CCSER2: variants seen among roughly 807,000 people sequenced by gnomAD.
CCSER2 encodes serine-rich coiled-coil domain-containing protein 2.
In CCSER2, 46 loss-of-function variants were observed where a neutral mutation model predicts 92.3. The observed-to-expected ratio is 0.50, with a 90% CI of 0.39 to 0.64. CCSER2 has a LOEUF of 0.64. Among genes scored for constraint, CCSER2 ranks in the 30% least tolerant of loss-of-function variants. CCSER2 has a pLI of 0.00. For missense variants in CCSER2, 1,244 were observed against 1,238.9 expected (o/e 1.00, Z -0.06); for synonymous variants, 433 against 431.4 (o/e 1.00, Z -0.04).
chr10:84,370,521 T>G (rs1194958980), intron 1 of CCSER2, among the ~76,000 whole-genome samples: 2 of 152,040 alleles, frequency 1.3e-5, no homozygotes, highest in Non-Finnish European at 2.9e-5. Context: ...TTTGGAGGAG[T>G]CCGTAGGATT....
intron 7 of CCSER2, among the ~76,000 whole-genome samples, chr10:84,467,923 A>G (rs749988071): frequency 5.9e-5 from 9 of 152,068 alleles, no homozygotes; most frequent in Non-Finnish European, 1.3e-4. Flanking sequence ...CTAGATTATT[A>G]TAATATTTTC....
At chr10:84,374,714 G>T (rs550955474) in intron 3 of CCSER2, among the ~76,000 whole-genome samples, 10 of 152,272 alleles carry the variant, frequency 6.6e-5, no homozygotes, top group African/African-American at 2.2e-4. Flanking sequence ...CAAGTAATGT[G>T]GATAATATGC....
Position 84,513,650 on chromosome 10 carries a change from T to C in CCSER2, c.2527T>C (p.Ser843Pro), listed in dbSNP as rs760418273. 41 of 1,581,412 alleles carry C rather than the reference T, an allele frequency of 2.6e-5. No homozygotes were observed. Among genetic ancestry groups the C allele is most frequent in the Non-Finnish European group, 3.3e-5 (39 of 1,165,624 alleles). Residue 843 changes from serine (S) to proline (P), a missense_variant, in exon 10 of 10, where the codon TCA becomes CCA. Coordinates refer to ENST00000372088, the MANE Select transcript of CCSER2 (RefSeq NM_001284240.2). ...TGGTTTGGAAGAGCAGCCTTTTTCA[T>C]CAGGCCCACAATTAACAATGGATGT... ...NYGLEEQPFS[S>P]GPQLTMDVAK...
intron 1 of CCSER2, among the ~76,000 whole-genome samples, chr10:84,352,884 A>G (rs1423953179): frequency 6.6e-6 from 1 of 151,634 alleles, no homozygotes; most frequent in African/African-American, 2.4e-5. Context: ...TCCGCCTTTT[A>G]GGTTCAATTG....
At chr10:84,489,753 T>A (rs1269405705) in intron 9 of CCSER2, among the ~76,000 whole-genome samples, 1 of 152,182 alleles carries the variant, frequency 6.6e-6, no homozygotes, top group Non-Finnish European at 1.5e-5. Flanking sequence ...AAGGTTAATA[T>A]TGTTATGTGT....
At chr10:84,378,940 T>C (rs1389928283) in intron 3 of CCSER2, among the ~76,000 whole-genome samples, 3 of 152,172 alleles carry the variant, frequency 2.0e-5, no homozygotes, top group Admixed American at 2.0e-4. Flanking sequence ...AATTTTCTTG[T>C]TTTTCTACTT....
intron 9 of CCSER2, among the ~76,000 whole-genome samples, chr10:84,478,050 T>A (rs907894397): frequency 3.9e-5 from 6 of 152,208 alleles, no homozygotes; most frequent in African/African-American, 1.4e-4. Context: ...ATATTCCTTT[T>A]TTGTTAAAAC....
At chr10:84,490,791 G>GTT (rs560578739) in intron 9 of CCSER2, among the ~76,000 whole-genome samples, 120 of 152,342 alleles carry the variant, frequency 7.9e-4, no homozygotes, top group Middle Eastern at 6.8e-3. Context: ...GAGGAGCTGC[G>GTT]TTCCTTTGGA....
At chr10:84,485,438 G>A (rs1024876314) in intron 9 of CCSER2, among the ~76,000 whole-genome samples, 1 of 152,016 alleles carries the variant, frequency 6.6e-6, no homozygotes, top group African/African-American at 2.4e-5. Flanking sequence ...TTATAATTTT[G>A]TTATTTTCAG....
chr10:84,461,755 TC>T (rs1024089544), intron 6 of CCSER2, among the ~76,000 whole-genome samples: 9 of 152,104 alleles, frequency 5.9e-5, no homozygotes, highest in Admixed American at 1.3e-4. Flanking sequence ...TAAAATCTCT[TC>T]CAGTTCTACC....
chr10:84,443,835 C>T (rs571397101), intron 6 of CCSER2, among the ~76,000 whole-genome samples: 2 of 152,194 alleles, frequency 1.3e-5, no homozygotes, highest in African/African-American at 4.8e-5. Flanking sequence ...AGTTCATGTC[C>T]TTTGCAGGGA....
At chr10:84,456,500 T>A (rs900444336) in intron 6 of CCSER2, among the ~76,000 whole-genome samples, 1 of 152,220 alleles carries the variant, frequency 6.6e-6, no homozygotes, top group Admixed American at 6.5e-5. Context: ...GGTATTTATG[T>A]TGCTTTCTAC....
chr10:84,465,935 A>G (rs998874608), intron 7 of CCSER2, among the ~76,000 whole-genome samples: 2 of 152,088 alleles, frequency 1.3e-5, no homozygotes, highest in Admixed American at 1.3e-4. Flanking sequence ...TATTTTTAGT[A>G]GAGACGGGGT....
chr10:84,457,611 TATAATTATATATTTATATATTATATATA>T (rs1356198655), intron 6 of CCSER2, among the ~76,000 whole-genome samples: 2 of 88,824 alleles, frequency 2.3e-5, no homozygotes, highest in African/African-American at 3.8e-5. Context: ...ATATATTATA[TATAATTATATATTTATATATTATATATA>T]ATTATATATA....
intron 4 of CCSER2, among the ~76,000 whole-genome samples, chr10:84,419,193 TCAAA>T (rs769271101): frequency 6.6e-6 from 1 of 152,096 alleles, no homozygotes; most frequent in Non-Finnish European, 1.5e-5. Context: ...CCATTTTAGT[TCAAA>T]CAGTCAAGCT....
chr10:84,471,924 G>T (rs1238952526), intron 8 of CCSER2, among the ~76,000 whole-genome samples: 3 of 151,930 alleles, frequency 2.0e-5, no homozygotes, highest in Non-Finnish European at 4.4e-5. Context: ...TAGAAGTACT[G>T]AATTTTTTAT....
chr10:84,331,574 CT>C (rs1237317861), intron 1 of CCSER2, among the ~76,000 whole-genome samples: 1 of 152,110 alleles, frequency 6.6e-6, no homozygotes, highest in African/African-American at 2.4e-5. Flanking sequence ...GCTAAAATTA[CT>C]TGTGTGGCTT....
chr10:84,345,668 T>A (rs963191827), intron 1 of CCSER2, among the ~76,000 whole-genome samples: 5 of 152,228 alleles, frequency 3.3e-5, no homozygotes, highest in African/African-American at 1.2e-4. Flanking sequence ...AGGTCTAGAT[T>A]ATGACATGTT....
rs1564711600 is a variant in CCSER2 at position 84,483,983 on chromosome 10, AT to A, written c.2325+6320del. On this transcript the variant is annotated intron_variant, in intron 9 of 9. Coordinates refer to ENST00000372088, the MANE Select transcript of CCSER2 (RefSeq NM_001284240.2). The stretch of plus-strand genomic sequence containing the variant: ...TATATATATATATATATATATATAT[AT>A]ATATATATATATAATTTTTTTTTTT... Among the ~76,000 whole-genome samples, 111 of 54,796 alleles carry A rather than the reference AT, an allele frequency of 2.0e-3. 1 individual carries two copies. The highest frequency in any genetic ancestry group is 4.7e-3 in the South Asian group (7 of 1,500). 35.9% of individuals were successfully genotyped at this position (54,796 alleles called of 152,430 possible). A position where few individuals can be genotyped will look rare whatever the true frequency, so the allele number is the denominator to read the frequency against.
Sources: gnomAD v4.1 joint callset for allele counts (sites outside exome capture counted in the v4.1 genomes callset) on GRCh38, gnomAD v4.1.1 for gene constraint, MANE v1.5 for transcripts, NCBI Gene and HGNC (gene_info 2026-07-23, HGNC 2026-07-21) for gene names.